The following SCCPDH variants were observed in gnomAD, a reference collection of about 807,000 sequenced individuals.
SCCPDH encodes the protein saccharopine dehydrogenase-like oxidoreductase.
Under a neutral mutation model 51.5 loss-of-function variants are expected in SCCPDH, and 34 were observed. The ratio of observed to expected loss-of-function variants is 0.66; its 90% confidence interval spans 0.50 to 0.88. The LOEUF (loss-of-function observed/expected upper bound fraction) is 0.88. Ranked by LOEUF, SCCPDH falls within the 40% of genes least tolerant of loss-of-function variation. SCCPDH has a pLI of 0.00. For synonymous variants in SCCPDH, 187 were observed against 191.3 expected, an observed-to-expected ratio of 0.98 and a Z score of 0.19; for missense variants, 464 against 527.1, an observed-to-expected ratio of 0.88 and a Z score of 1.17.
At chr1:246,760,801 G>C (rs1042823640) in intron 9 of SCCPDH, among the ~76,000 whole-genome samples, 1 of 152,204 alleles carries the variant, frequency 6.6e-6, no homozygotes, top group Non-Finnish European at 1.5e-5. Context: ...CTGCTGAACA[G>C]ATGGTAGCAG....
rs552299152 is a variant in SCCPDH at position 246,746,623 on chromosome 1, T to C, written c.564+2498T>C. Among the ~76,000 whole-genome samples the C allele has an allele frequency of 2.0e-5, 3 of 152,176 alleles. No homozygotes were observed. The East Asian group carries it at 5.8e-4, about 30-fold the overall frequency. ...TGGGAGGCTGAGGCAGATGGATCAC[T>C]TGAGGTCAGGAGTTTGAGACCAGCC... On this transcript the variant is annotated intron_variant, in intron 5 of 11. Coordinates refer to ENST00000366510, the MANE Select transcript of SCCPDH (RefSeq NM_016002.3).
At chr1:246,758,425 T>TA in intron 6 of SCCPDH, 69 bp downstream of exon 6, 1 of 1,164,906 alleles carries the variant, frequency 8.6e-7, no homozygotes, top group Non-Finnish European at 1.2e-6. Context: ...TGGCTATTAA[T>TA]AAAGTATGTT....
chr1:246,754,226 G>A (rs1572303667), intron 5 of SCCPDH, among the ~76,000 whole-genome samples: 1 of 151,858 alleles, frequency 6.6e-6, no homozygotes, highest in South Asian at 2.1e-4. Context: ...TTACCTGGTC[G>A]CTGCGGTGTG....
intron 9 of SCCPDH, among the ~76,000 whole-genome samples, chr1:246,761,992 G>A (rs572201085): frequency 1.7e-3 from 263 of 152,280 alleles, no homozygotes; most frequent in Non-Finnish European, 3.3e-3. Context: ...CTGCTGCACC[G>A]TTTTACCTTC....
chr1:246,764,232 C>T lies in SCCPDH; in HGVS notation c.991-14C>T. The stretch of plus-strand genomic sequence containing the variant: ...CGTATTTATGAAATGCGCCCTTTGC[C>T]TTCTCCTTCACAGATTGATGCTGCC... On this transcript the variant is annotated splice_polypyrimidine_tract_variant and intron_variant, in intron 9 of 11. Transcript: ENST00000366510. 6.4e-7 allele frequency: 1 copy of T among 1,571,558 alleles called. No homozygotes were observed.
intron 6 of SCCPDH, 107 bp from the exon 7 acceptor site, chr1:246,758,927 T>C: frequency 1.3e-6 from 1 of 772,678 alleles, no homozygotes; most frequent in Non-Finnish European, 2.4e-6. Flanking sequence ...GTGCTGGGAT[T>C]ACAGGCATGA....
At chr1:246,764,760 C>G (rs535405531) in intron 10 of SCCPDH, among the ~76,000 whole-genome samples, 2 of 152,204 alleles carry the variant, frequency 1.3e-5, no homozygotes, top group Non-Finnish European at 2.9e-5. Context: ...TGCACACGTG[C>G]ACTTTTCAAG....
At chr1:246,724,811 G>C (rs1197430500) in intron 1 of SCCPDH, among the ~76,000 whole-genome samples, 199 bp downstream of exon 1, 1 of 152,212 alleles carries the variant, frequency 6.6e-6, no homozygotes, top group Non-Finnish European at 1.5e-5. Context: ...GTGTGTGCGC[G>C]TGCGTGTATA....
intron 2 of SCCPDH, among the ~76,000 whole-genome samples, chr1:246,728,629 T>G (rs1668438228): frequency 6.6e-6 from 1 of 152,264 alleles, no homozygotes; most frequent in Non-Finnish European, 1.5e-5. Flanking sequence ...CTTGTTTTCC[T>G]TGAACTTTTA....
At chr1:246,730,845 G>C (rs928476341) in intron 2 of SCCPDH, among the ~76,000 whole-genome samples, 2 of 152,130 alleles carry the variant, frequency 1.3e-5, no homozygotes, top group Non-Finnish European at 2.9e-5. Context: ...GATCACTTGA[G>C]GTCGGGAGTT....
Position 246,726,100 on chromosome 1 carries a change from ACC to A in SCCPDH, c.191-790_191-789del, listed in dbSNP as rs1668396321. Among the ~76,000 whole-genome samples the A allele has an allele frequency of 3.3e-5, 5 of 151,870 alleles. No homozygotes were observed. The South Asian group carries it at 1.0e-3, about 32-fold the overall frequency. On this transcript the variant is annotated intron_variant, in intron 1 of 11. Transcript: ENST00000366510. Reference sequence around the variant, plus strand: ...TCTCGATCTGCTGACCTCGTGATCCACCCTTCTCGGCTTTCCAAAGTGCTGGG... The same window carrying A: ...TCTCGATCTGCTGACCTCGTGATCCACTTCTCGGCTTTCCAAAGTGCTGGG...
chr1:246,734,152 T>C (rs963125498), intron 2 of SCCPDH, among the ~76,000 whole-genome samples: 1 of 152,078 alleles, frequency 6.6e-6, no homozygotes, highest in African/African-American at 2.4e-5. Context: ...CCCAGGTGAT[T>C]CTAAAGCAGG....
chr1:246,739,522 G>A (rs919469150), intron 3 of SCCPDH, among the ~76,000 whole-genome samples: 1 of 152,090 alleles, frequency 6.6e-6, no homozygotes, highest in Non-Finnish European at 1.5e-5. Flanking sequence ...CAGAAAAAGG[G>A]GTTCAGTTAA....
chr1:246,757,695 GACAGATCTATA>G (rs1328966898), intron 5 of SCCPDH, among the ~76,000 whole-genome samples: 2 of 152,198 alleles, frequency 1.3e-5, no homozygotes, highest in Non-Finnish European at 2.9e-5. Context: ...TCAGTAGGAA[GACAGATCTATA>G]ACTTGGGGCT....
At chr1:246,749,691 A>G (rs1572301188) in intron 5 of SCCPDH, among the ~76,000 whole-genome samples, 1 of 152,232 alleles carries the variant, frequency 6.6e-6, no homozygotes, top group Non-Finnish European at 1.5e-5. Context: ...TTTATAGAGC[A>G]TCGGACAAAT....
chr1:246,743,719 A>C (rs1016790302), intron 4 of SCCPDH, among the ~76,000 whole-genome samples: 2 of 152,140 alleles, frequency 1.3e-5, no homozygotes, highest in African/African-American at 4.8e-5. Context: ...GGGTGAGCTC[A>C]ATTGTTGCTT....
intron 5 of SCCPDH, among the ~76,000 whole-genome samples, chr1:246,745,066 A>G (rs1305337579): frequency 2.0e-5 from 3 of 152,274 alleles, no homozygotes; most frequent in Admixed American, 2.0e-4. Context: ...AGTGCAAGTC[A>G]GCATAGTTTT....
At chr1:246,735,354 G>C (rs34631393) in intron 2 of SCCPDH, among the ~76,000 whole-genome samples, 1 of 151,928 alleles carries the variant, frequency 6.6e-6, no homozygotes, top group Non-Finnish European at 1.5e-5. Flanking sequence ...CCTGTATCTG[G>C]ATTTTTCTTT....
intron 5 of SCCPDH, among the ~76,000 whole-genome samples, chr1:246,745,012 A>G (rs1048932659): frequency 6.6e-6 from 1 of 152,200 alleles, no homozygotes; most frequent in East Asian, 1.9e-4. Flanking sequence ...AGCATTTATC[A>G]CTGGTGCACA....
Sources: gnomAD v4.1 joint callset for allele counts (sites outside exome capture counted in the v4.1 genomes callset) on GRCh38, gnomAD v4.1.1 for gene constraint, MANE v1.5 for transcripts, NCBI Gene and HGNC (gene_info 2026-07-23, HGNC 2026-07-21) for gene names.